SNRNP200: variants seen among roughly 807,000 people sequenced by gnomAD.
The protein encoded by SNRNP200 is U5 small nuclear ribonucleoprotein 200 kDa helicase.
In SNRNP200, 66 loss-of-function variants were observed where a neutral mutation model predicts 255.2. The ratio of observed to expected loss-of-function variants is 0.26; its 90% confidence interval spans 0.21 to 0.32. The LOEUF is 0.32. Ranked by LOEUF, SNRNP200 falls within the 10% of genes least tolerant of loss-of-function variation. The pLI is 1.00. For synonymous variants in SNRNP200, 939 were observed against 1,027.8 expected (o/e 0.91, Z 1.65); for missense variants, 1,585 against 2,749.8 (o/e 0.58, Z 9.47).
At chr2:96,303,541 T>C (rs556110038) in intron 2 of SNRNP200, among the ~76,000 whole-genome samples, 1 of 152,304 alleles carries the variant, frequency 6.6e-6, no homozygotes, top group African/African-American at 2.4e-5. Context: ...AAATTCCCTA[T>C]CATCTTCTCA....
chr2:96,278,055 CCT>C lies in SNRNP200; in HGVS notation c.5611-107_5611-106del, dbSNP rs1684699112. 6.4e-7 allele frequency: 1 copy of C among 1,559,636 alleles called. No individual in the cohort carries two copies. Among genetic ancestry groups the C allele is most frequent in the Middle Eastern group, 1.7e-4 (1 of 5,944 alleles). ...CCAGGCTCACACAGCCCTTCAACAC[CCT>C]GAGGCATGTGGGTGGTAATGGGATG... On this transcript the variant is annotated intron_variant, in intron 39 of 44. Transcript: ENST00000323853. This position sits in a 1 kb window ranked among gnomAD's most constrained non-coding sequence, Gnocchi z 6.9.
Position 96,278,101 on chromosome 2 carries a change from G to T in SNRNP200, c.5610+136C>A. 2 of 1,522,518 alleles carry T rather than the reference G, an allele frequency of 1.3e-6. No homozygotes were observed. Among genetic ancestry groups the T allele is most frequent in the Non-Finnish European group, 1.8e-6 (2 of 1,100,166 alleles). The allele number at this position is 1,522,518 out of a possible 1,614,324, so 94.3% of individuals were successfully genotyped here. ...TGGGATGGAGATGGGTTTGAGGGAGGTATGGAGCGGGAGGACATATGGCGG... is the reference window on the plus strand; with the variant it reads ...TGGGATGGAGATGGGTTTGAGGGAGTTATGGAGCGGGAGGACATATGGCGG... On this transcript the variant is annotated intron_variant, in intron 39 of 44. Coordinates refer to ENST00000323853, the MANE Select transcript of SNRNP200 (RefSeq NM_014014.5). This position sits in a 1 kb window ranked among gnomAD's most constrained non-coding sequence, Gnocchi z 6.9.
chr2:96,284,717 A>T, intron 30 of SNRNP200, 132 bp from the exon 31 acceptor site: 1 of 726,892 alleles, frequency 1.4e-6, no homozygotes, highest in Non-Finnish European at 2.5e-6. Context: ...ATCCCATAGC[A>T]GCCTCTATGC....
At position 96,289,718 on chromosome 2, in the gene SNRNP200, C is replaced by T. The variant is rs903669079; in HGVS notation, c.2940+81G>A. The T allele has an allele frequency of 1.9e-5, 24 of 1,283,486 alleles. No individual in the cohort carries two copies. In the South Asian group the frequency reaches 2.9e-4, roughly 15 times the overall value. 79.5% of individuals were successfully genotyped at this position (1,283,486 alleles called of 1,614,324 possible). A position where few individuals can be genotyped will look rare whatever the true frequency, so the allele number is the denominator to read the frequency against. ...GTGATTAGATAGGCAGTACTCACATCAAGAGAGCAATCTGAAAAATTTTTT... is the reference window on the plus strand; with the variant it reads ...GTGATTAGATAGGCAGTACTCACATTAAGAGAGCAATCTGAAAAATTTTTT... On this transcript the variant is annotated intron_variant, in intron 21 of 44. Coordinates refer to ENST00000323853, the MANE Select transcript of SNRNP200 (RefSeq NM_014014.5).
rs1176904920 is a variant in SNRNP200, at chr2:96,277,546, G to T, written c.5924C>A (p.Thr1975Lys). 6.2e-7 allele frequency: 1 copy of T among 1,612,606 alleles called. No homozygotes were observed. The highest frequency in any genetic ancestry group is 8.5e-7 in the Non-Finnish European group (1 of 1,180,032). ...HFTSEHIKRCTDKGVESVFDI... is the reference protein window; with the variant it reads ...HFTSEHIKRCKDKGVESVFDI... ...TAGGCTGACCCGGCTCACCTTGTCT[G>T]TGCAACGTTTGATATGCTCAGAGGT... Residue 1975 changes from threonine (T) to lysine (K), a missense_variant, in exon 41 of 45, where the codon ACA becomes AAA. By Grantham distance (78) the Thr-to-Lys change is moderately conservative (BLOSUM62 -1). Around this residue, in one of 9 missense-constraint regions of SNRNP200, gnomAD observed 279 missense variants for 551.2 expected, o/e 0.51. Transcript: ENST00000323853. The surrounding 1 kb of genome is among the most constrained non-coding windows in gnomAD (Gnocchi z 4.4).
chr2:96,279,557 T>G lies in SNRNP200; in HGVS notation c.5027A>C (p.Tyr1676Ser). 1 of 1,608,318 alleles carries G rather than the reference T, an allele frequency of 6.2e-7. No individual in the cohort carries two copies. Among genetic ancestry groups the G allele is most frequent in the Non-Finnish European group, 8.5e-7 (1 of 1,175,004 alleles). ...TQYYNGKIHA[Y>S]VDYPIYDVLQ... ...CACGTCATAGATGGGGTAATCCACA[T>G]AGCTGGTGACAGAAGCAGGGAAAGA... Residue 1676 changes from tyrosine (Y) to serine (S), a missense_variant and splice_region_variant, in exon 36 of 45, where the codon TAT (tyrosine) becomes TCT (serine). By Grantham distance (144) the Tyr-to-Ser change is moderately radical. Around this residue, in one of 9 missense-constraint regions of SNRNP200, gnomAD observed 719 missense variants for 1,091.1 expected, o/e 0.66. Transcript: ENST00000323853.
chr2:96,290,571 T>C lies in SNRNP200; in HGVS notation c.2554-57A>G. ...TGTCAAGAGAATGTCTGAATTTTGA[T>C]GCAGGTATCTACATTACAGAACTAG... On this transcript the variant is annotated intron_variant, in intron 19 of 44. Coordinates refer to ENST00000323853, the MANE Select transcript of SNRNP200 (RefSeq NM_014014.5). This position sits in a 1 kb window ranked among gnomAD's most constrained non-coding sequence, Gnocchi z 4.5. The C allele has an allele frequency of 1.2e-6, 2 of 1,612,734 alleles. No individual in the cohort carries two copies. The highest frequency in any genetic ancestry group is 1.3e-5 in the African/African-American group (1 of 75,024).
rs770142190 is a variant in SNRNP200 at position 96,277,780 on chromosome 2, C to T, written c.5754+27G>A. On this transcript the variant is annotated intron_variant, in intron 40 of 44. Coordinates refer to ENST00000323853, the MANE Select transcript of SNRNP200 (RefSeq NM_014014.5). The surrounding 1 kb of genome is among the most constrained non-coding windows in gnomAD (Gnocchi z 4.4). Reference sequence around the variant, plus strand: ...GCTGAGATGTTTAGAGCACCACTGACCCCTCTGCCCCACACCCACACTCTA... The same window carrying T: ...GCTGAGATGTTTAGAGCACCACTGATCCCTCTGCCCCACACCCACACTCTA... 9.3e-6 allele frequency: 15 copies of T among 1,614,086 alleles called. No individual in the cohort carries two copies. The highest frequency in any genetic ancestry group is 1.7e-5 in the Admixed American group (1 of 60,006).
In SNRNP200 at chr2:96,286,556, G is replaced by A; in HGVS notation, c.3830-72C>T. The A allele has an allele frequency of 6.3e-7, 1 of 1,596,968 alleles. No individual in the cohort carries two copies. The highest frequency in any genetic ancestry group is 1.3e-5 in the African/African-American group (1 of 74,640). ...TCACTGGCCTCTAGATCCCCTCCAT[G>A]AACACTGGAAACCTAGGCAGCATAT... is the stretch of plus-strand genomic sequence containing the variant. On this transcript the variant is annotated intron_variant, in intron 28 of 44. Coordinates refer to ENST00000323853, the MANE Select transcript of SNRNP200 (RefSeq NM_014014.5). The surrounding 1 kb of genome is among the most constrained non-coding windows in gnomAD (Gnocchi z 4.8).
intron 21 of SNRNP200, among the ~76,000 whole-genome samples, 185 bp from the exon 22 acceptor site, chr2:96,289,564 G>C (rs933335466): frequency 6.6e-6 from 1 of 152,114 alleles, no homozygotes; most frequent in Non-Finnish European, 1.5e-5. Context: ...GCCAGGCCCA[G>C]GCACATGAAG....
chr2:96,298,458 G>C (rs2063932908), intron 8 of SNRNP200, 38 bp from the exon 9 acceptor site: 1 of 1,613,490 alleles, frequency 6.2e-7, no homozygotes, highest in Non-Finnish European at 8.5e-7. Flanking sequence ...GTGAGGAGGA[G>C]GAAATAAGGC....
At chr2:96,300,763 A>G (rs79757100) in intron 5 of SNRNP200, among the ~76,000 whole-genome samples, 1 of 136,890 alleles carries the variant, frequency 7.3e-6, no homozygotes, top group African/African-American at 2.5e-5. Flanking sequence ...ACTCCGTCTC[A>G]AAAAAAAAAA....
At position 96,296,637 on chromosome 2, in the gene SNRNP200, G is replaced by A. The variant is rs1360011147; in HGVS notation, c.1570C>T (p.His524Tyr). The stretch of plus-strand genomic sequence containing the variant: ...TTGATGGTGCCGTCCATGTTTATGT[G>A]TTTCCCAATCTCTCGGAGCATGCAC... ...LMCMLREIGK[H>Y]INMDGTINVD... The change falls in exon 13 of 45, where the codon CAC (histidine) becomes TAC (tyrosine). Residue 524 changes from histidine to tyrosine, a missense_variant. His to Tyr is a moderately conservative substitution (Grantham distance 83). Around this residue, in one of 9 missense-constraint regions of SNRNP200, gnomAD observed 383 missense variants for 645.3 expected, o/e 0.59. Coordinates refer to ENST00000323853, the MANE Select transcript of SNRNP200 (RefSeq NM_014014.5). 6.2e-7 allele frequency: 1 copy of A among 1,614,146 alleles called. No homozygotes were observed. The highest frequency in any genetic ancestry group is 8.5e-7 in the Non-Finnish European group (1 of 1,180,024).
Position 96,290,048 on chromosome 2 carries a change from A to G in SNRNP200, c.2743-52T>C. The G allele has an allele frequency of 6.5e-7, 1 of 1,536,920 alleles. No homozygotes were observed. The highest frequency in any genetic ancestry group is 9.0e-7 in the Non-Finnish European group (1 of 1,110,010). On this transcript the variant is annotated intron_variant, in intron 20 of 44. Coordinates refer to ENST00000323853, the MANE Select transcript of SNRNP200 (RefSeq NM_014014.5). The surrounding 1 kb of genome is among the most constrained non-coding windows in gnomAD (Gnocchi z 4.5). The stretch of plus-strand genomic sequence containing the variant: ...GCATGGAGAAACTCTTGATGTCCAA[A>G]TGACAGGCTCCCATGAATTGCTTAG...
intron 35 of SNRNP200, chr2:96,281,086 A>T (rs1573990014): frequency 7.3e-6 from 1 of 136,484 alleles, no homozygotes; most frequent in African/African-American, 2.8e-5. Flanking sequence ...CTGGTCTTGA[A>T]CTCCTGACAT....
At position 96,278,098 on chromosome 2, in the gene SNRNP200, G is replaced by A. The variant is rs957075434; in HGVS notation, c.5610+139C>T. 2 of 1,525,242 alleles carry A rather than the reference G, an allele frequency of 1.3e-6. No homozygotes were observed. The highest frequency in any genetic ancestry group is 1.4e-5 in the African/African-American group (1 of 73,132). 94.5% of individuals were successfully genotyped at this position (1,525,242 alleles called of 1,614,324 possible). ...TAATGGGATGGAGATGGGTTTGAGG[G>A]AGGTATGGAGCGGGAGGACATATGG... On this transcript the variant is annotated intron_variant, in intron 39 of 44. Coordinates refer to ENST00000323853, the MANE Select transcript of SNRNP200 (RefSeq NM_014014.5). This position sits in a 1 kb window ranked among gnomAD's most constrained non-coding sequence, Gnocchi z 6.9.
chr2:96,296,756 T>C (rs761544442), intron 12 of SNRNP200, 65 bp from the exon 13 acceptor site: 240 of 1,582,976 alleles, frequency 1.5e-4, no homozygotes, highest in Non-Finnish European at 2.0e-4. Flanking sequence ...CTAACTTCCA[T>C]GGGCTTATTT....
Position 96,302,231 on chromosome 2 carries a change from A to T in SNRNP200, c.382-515T>A, listed in dbSNP as rs1558772721. The stretch of plus-strand genomic sequence containing the variant: ...TTCTATAAAATGGAAAATGAATATT[A>T]ACAGCACCTATTCATGGAGTTATGT... On this transcript the variant is annotated intron_variant, in intron 3 of 44. Coordinates refer to ENST00000323853, the MANE Select transcript of SNRNP200 (RefSeq NM_014014.5). 2.0e-5 allele frequency among the ~76,000 whole-genome samples: 3 copies of T among 152,356 alleles called. No individual in the cohort carries two copies. The South Asian group carries it at 6.2e-4, about 32-fold the overall frequency.
In SNRNP200 at chr2:96,287,158, C is replaced by T; in HGVS notation, c.3487G>A (p.Glu1163Lys). Residue 1163 changes from glutamate to lysine, a missense_variant and splice_region_variant, in exon 27 of 45, where the codon GAG becomes AAG. Glu to Lys is a moderately conservative substitution (Grantham distance 56). Coordinates refer to ENST00000323853, the MANE Select transcript of SNRNP200 (RefSeq NM_014014.5). This position sits in a 1 kb window ranked among gnomAD's most constrained non-coding sequence, Gnocchi z 5.7. ...CCCATCTTTGGCATGCGGATAAGCT[C>T]CCCTACAAGGAAATGAGAGTACTGA... is the stretch of plus-strand genomic sequence containing the variant. ...LYDLNHNEIG[E>K]LIRMPKMGKT... 6.2e-7 allele frequency: 1 copy of T among 1,614,198 alleles called. No individual in the cohort carries two copies. The highest frequency in any genetic ancestry group is 8.5e-7 in the Non-Finnish European group (1 of 1,180,044).
Sources: gnomAD v4.1 joint callset for allele counts (sites outside exome capture counted in the v4.1 genomes callset) on GRCh38, gnomAD v4.1.1 for gene constraint, gnomAD v4.1.1 regional missense constraint, Gnocchi (gnomAD v3.1) non-coding constraint, MANE v1.5 for transcripts, NCBI Gene and HGNC (gene_info 2026-07-23, HGNC 2026-07-21) for gene names.